Variants in CD5L observed in about 807,000 individuals in gnomAD.
The protein encoded by CD5L is CD5 molecule like, also known as CD5 antigen-like.
CD5L carries 39 observed loss-of-function variants against 40.8 expected under a neutral mutation model. That is an observed-to-expected ratio of 0.96 (90% CI 0.74 to 1.25). The LOEUF (loss-of-function observed/expected upper bound fraction) is 1.25, where lower values mean the gene tolerates loss of function less well. Among genes scored for constraint, CD5L ranks in the 50% most tolerant of loss-of-function variants. The probability of loss-of-function intolerance (pLI) is 0.00; values close to 1 mark genes in which losing one functional copy is unlikely to be tolerated. For synonymous variants in CD5L, 192 were observed against 169.6 expected, an observed-to-expected ratio of 1.13 and a Z score of -1.03; for missense variants, 433 against 435.9, an observed-to-expected ratio of 0.99 and a Z score of 0.06.
intron 2 of CD5L, among the ~76,000 whole-genome samples, chr1:157,836,571 A>G (rs1656220822): frequency 6.6e-6 from 1 of 152,222 alleles, no homozygotes; most frequent in Non-Finnish European, 1.5e-5. Context: ...TCCTATGGCT[A>G]CATTGTCCAA....
At chr1:157,841,344 T>C (rs1656365477) in intron 1 of CD5L, among the ~76,000 whole-genome samples, 1 of 152,236 alleles carries the variant, frequency 6.6e-6, no homozygotes, top group Admixed American at 6.5e-5. Flanking sequence ...CTTTCCTGGC[T>C]CTACTTGCTG....
chr1:157,835,989 A>T lies in CD5L; in HGVS notation c.222T>A (p.Pro74=). The T allele has an allele frequency of 1.9e-6, 3 of 1,614,178 alleles. No individual in the cohort carries two copies. Among genetic ancestry groups the T allele is most frequent in the Non-Finnish European group, 2.5e-6 (3 of 1,180,032 alleles). ...ELGCGAASGT[P]SGILYEPPAE... is the part of the protein sequence containing the mutation. ...CTGGTGGCTCATACAAAATACCACT[A>T]GGGGTTCCGCTGGCAGCTCCACAGC... The change falls in exon 3 of 6, where the codon CCT becomes CCA. Residue 74 remains proline, a synonymous_variant. Transcript: ENST00000368174.
intron 2 of CD5L, among the ~76,000 whole-genome samples, chr1:157,836,551 A>C (rs1425033944): frequency 6.6e-6 from 1 of 152,228 alleles, no homozygotes; most frequent in African/African-American, 2.4e-5. Context: ...CATCCTCATG[A>C]AAGTTATGGT....
In CD5L at chr1:157,831,708, T is replaced by A. The variant is rs1656052959; in HGVS notation, c.*256A>T. 1 of 1,234,614 alleles carries A rather than the reference T, an allele frequency of 8.1e-7. No individual in the cohort carries two copies. 76.5% of individuals were successfully genotyped at this position (1,234,614 alleles called of 1,614,324 possible). On this transcript the variant is annotated 3_prime_UTR_variant, in exon 6 of 6. Coordinates refer to ENST00000368174, the MANE Select transcript of CD5L (RefSeq NM_005894.3). ...AAAGGCCAGAACCAGTGTCAAAGGG[T>A]CAGGGTTGAGCACAGGATACATGGA... is the stretch of plus-strand genomic sequence containing the variant.
At chr1:157,840,644 G>A (rs1291225961) in intron 1 of CD5L, among the ~76,000 whole-genome samples, 1 of 152,128 alleles carries the variant, frequency 6.6e-6, no homozygotes, top group African/African-American at 2.4e-5. Flanking sequence ...AACCCAACAT[G>A]TGTACATGTG....
At position 157,839,383 on chromosome 1, in the gene CD5L, C is replaced by T. The variant is rs1303672064; in HGVS notation, c.55+1G>A. The T allele has an allele frequency of 6.8e-6, 11 of 1,613,474 alleles. No individual in the cohort carries two copies. Among genetic ancestry groups the T allele is most frequent in the Non-Finnish European group, 9.3e-6 (11 of 1,179,836 alleles). Reference sequence around the variant, plus strand: ...CTCTCAGAAACCCCCAAAAATCTTACCTAGGAATCCAGGTCTGGTGCAAAT... The same window carrying T: ...CTCTCAGAAACCCCCAAAAATCTTATCTAGGAATCCAGGTCTGGTGCAAAT... On this transcript the variant is annotated splice_donor_variant, in intron 2 of 5. Coordinates refer to ENST00000368174, the MANE Select transcript of CD5L (RefSeq NM_005894.3). LOFTEE classifies it high-confidence loss of function.
chr1:157,835,947 C>A lies in CD5L; in HGVS notation c.264G>T (p.Lys88Asn). The A allele has an allele frequency of 5.6e-6, 9 of 1,614,180 alleles. No individual in the cohort carries two copies. Among genetic ancestry groups the A allele is most frequent in the Non-Finnish European group, 7.6e-6 (9 of 1,180,032 alleles). ...TGCAACTGACTGATTGGATGAGGAC[C>A]TTTTGCTCTTTTTCTGCTGGTGGCT... Reference protein sequence around the residue: ...LYEPPAEKEQKVLIQSVSCTG... With the variant: ...LYEPPAEKEQNVLIQSVSCTG... Residue 88 changes from lysine to asparagine, a missense_variant, in exon 3 of 6, where the codon AAG (lysine) becomes AAT (asparagine). Physicochemically the swap from Lys to Asn is moderately conservative, Grantham distance 94. Transcript: ENST00000368174.
At chr1:157,840,961 A>G (rs1401564036) in intron 1 of CD5L, among the ~76,000 whole-genome samples, 1 of 152,240 alleles carries the variant, frequency 6.6e-6, no homozygotes, top group South Asian at 2.1e-4. Flanking sequence ...TCATCAAGAC[A>G]TAAAAGTGGA....
chr1:157,832,619 T>A (rs1224235506), intron 5 of CD5L, among the ~76,000 whole-genome samples: 1 of 152,108 alleles, frequency 6.6e-6, no homozygotes, highest in African/African-American at 2.4e-5. Context: ...CTCTGATAAC[T>A]CTCTTATGGG....
Position 157,831,942 on chromosome 1 carries a change from C to A in CD5L, c.*22G>T. The A allele has an allele frequency of 6.3e-7, 1 of 1,576,544 alleles. No individual in the cohort carries two copies. Among genetic ancestry groups the A allele is most frequent in the Admixed American group, 1.8e-5 (1 of 54,680 alleles). On this transcript the variant is annotated 3_prime_UTR_variant, in exon 6 of 6. Coordinates refer to ENST00000368174, the MANE Select transcript of CD5L (RefSeq NM_005894.3). ...AGAGGGCAGGCGGGGCCAGGGGGGC[C>A]AGGTCAAGCAACACCAGGATACTAT...
In CD5L at chr1:157,833,318, C is replaced by T. The variant is rs151280062; in HGVS notation, c.913G>A (p.Val305Ile). 3.0e-4 allele frequency: 479 copies of T among 1,614,176 alleles called. 1 individual carries two copies. Among genetic ancestry groups the T allele is most frequent in the Admixed American group, 2.0e-3 (123 of 60,022 alleles). ...ACATTATCCAGCCAGATGCGGCCAA[C>T]CCCAGGGCCATAGCATTTCCGGTCT... ...FRDRKCYGPG[V>I]GRIWLDNVRC... is the part of the protein sequence containing the mutation. Residue 305 changes from valine to isoleucine, a missense_variant, in exon 5 of 6, where the codon GTT (valine) becomes ATT (isoleucine). Coordinates refer to ENST00000368174, the MANE Select transcript of CD5L (RefSeq NM_005894.3).
Position 157,831,293 on chromosome 1 carries a change from C to A in CD5L, c.*671G>T. The A allele has an allele frequency of 1.0e-6, 1 of 985,258 alleles. No individual in the cohort carries two copies. Among genetic ancestry groups the A allele is most frequent in the Non-Finnish European group, 1.2e-6 (1 of 829,890 alleles). The allele number at this position is 985,258 out of a possible 1,614,324, so 61.0% of individuals were successfully genotyped here. On this transcript the variant is annotated 3_prime_UTR_variant, in exon 6 of 6. Transcript: ENST00000368174. ...TGGACAACAAAGATTTTTATTGGGG[C>A]AATCAGAGGATGAAACATCATTTTT...
chr1:157,833,073 T>C, intron 5 of CD5L, 119 bp downstream of exon 5: 1 of 799,150 alleles, frequency 1.3e-6, no homozygotes. Flanking sequence ...AGGTGATGAC[T>C]ATGAGCAGCT....
At chr1:157,838,947 C>T (rs555964606) in intron 2 of CD5L, among the ~76,000 whole-genome samples, 2 of 152,366 alleles carry the variant, frequency 1.3e-5, no homozygotes, top group East Asian at 1.9e-4. Flanking sequence ...CTATGCTCTG[C>T]TGGTCAAGCT....
intron 4 of CD5L, among the ~76,000 whole-genome samples, chr1:157,834,025 T>C (rs1007317082): frequency 5.3e-5 from 8 of 152,258 alleles, no homozygotes; most frequent in African/African-American, 1.9e-4. Flanking sequence ...ACCTCTGTTG[T>C]CCAGGTCGAC....
At chr1:157,830,028 T>C, downstream of CD5L, among the ~76,000 whole-genome samples, 1 of 152,232 alleles carries the variant, frequency 6.6e-6, no homozygotes, top group Admixed American at 6.5e-5. Context: ...GCTAGGTTTC[T>C]CTACCTATCT....
intron 2 of CD5L, among the ~76,000 whole-genome samples, chr1:157,838,193 G>T (rs1208120661): frequency 1.3e-5 from 2 of 152,126 alleles, no homozygotes; most frequent in African/African-American, 4.8e-5. Flanking sequence ...GGAGGCTAGA[G>T]ATAGCAATTA....
rs752815687 is a variant in CD5L, at chr1:157,831,977, A to C, written c.1040-9T>G. 3.2e-6 allele frequency: 5 copies of C among 1,584,138 alleles called. No homozygotes were observed. Among genetic ancestry groups the C allele is most frequent in the Non-Finnish European group, 4.3e-6 (5 of 1,165,798 alleles). ...AACACCAGGATACTATCCTATAAAG[A>C]GAAGAGGAAAATGCAGTAAGGATGG... On this transcript the variant is annotated splice_polypyrimidine_tract_variant and intron_variant, in intron 5 of 5. Coordinates refer to ENST00000368174, the MANE Select transcript of CD5L (RefSeq NM_005894.3).
At chr1:157,830,782 CA>C (rs1447024760), downstream of CD5L, 2 of 212,020 alleles carry the variant, frequency 9.4e-6, no homozygotes, top group East Asian at 3.7e-4. Flanking sequence ...ACCCAGAGGA[CA>C]GCTTTTTACA....
Sources: gnomAD v4.1 joint callset for allele counts (sites outside exome capture counted in the v4.1 genomes callset) on GRCh38, gnomAD v4.1.1 for gene constraint, MANE v1.5 for transcripts, NCBI Gene and HGNC (gene_info 2026-07-23, HGNC 2026-07-21) for gene names.